MLLT1: variants seen among roughly 807,000 people sequenced by gnomAD.
MLLT1 encodes MLLT1 super elongation complex subunit.
In MLLT1, 11 loss-of-function variants were observed where a neutral mutation model predicts 55.1. The observed-to-expected ratio is 0.20, with a 90% CI of 0.13 to 0.33. MLLT1 has a LOEUF of 0.33. MLLT1 is among the 10% of genes least tolerant of loss of function. The pLI, the probability that MLLT1 is intolerant of heterozygous loss-of-function variation, is 1.00. For synonymous variants in MLLT1, 323 were observed against 320.1 expected, an observed-to-expected ratio of 1.01 and a Z score of -0.10; for missense variants, 536 against 760.6, an observed-to-expected ratio of 0.70 and a Z score of 3.47.
At position 6,226,900 on chromosome 19, in the gene MLLT1, A is replaced by G. The variant is rs1371776198; in HGVS notation, c.546+77T>C. 5.3e-6 allele frequency: 7 copies of G among 1,317,324 alleles called. No individual in the cohort carries two copies. The highest frequency in any genetic ancestry group is 7.0e-6 in the Non-Finnish European group (7 of 998,418). The allele number at this position is 1,317,324 out of a possible 1,614,324, so 81.6% of individuals were successfully genotyped here. ...AGGTGCGGAAGGCCCAGCCCAGTGG[A>G]GGGAGGGCGCCGGGGCCAGACCCAC... On this transcript the variant is annotated intron_variant, in intron 5 of 11. Coordinates refer to ENST00000252674, the MANE Select transcript of MLLT1 (RefSeq NM_005934.4). The surrounding 1 kb of genome is among the most constrained non-coding windows in gnomAD (Gnocchi z 6.3).
At chr19:6,271,699 C>T (rs866928394) in intron 1 of MLLT1, among the ~76,000 whole-genome samples, 2 of 152,238 alleles carry the variant, frequency 1.3e-5, no homozygotes, top group Non-Finnish European at 2.9e-5. Flanking sequence ...GGCCCTGACA[C>T]CCGCTATCAA....
At chr19:6,238,100 T>A (rs969398115) in intron 3 of MLLT1, among the ~76,000 whole-genome samples, 1 of 152,282 alleles carries the variant, frequency 6.6e-6, no homozygotes, top group Non-Finnish European at 1.5e-5. Context: ...AGACCCTGAC[T>A]TAAAGAGGGA....
At chr19:6,277,835 T>C (rs1460963378) in intron 1 of MLLT1, among the ~76,000 whole-genome samples, 2 of 152,232 alleles carry the variant, frequency 1.3e-5, no homozygotes, top group Non-Finnish European at 2.9e-5. Context: ...ATATTTCATT[T>C]GGGTTTTTAA....
At chr19:6,241,244 C>CG (rs2091110355) in intron 3 of MLLT1, among the ~76,000 whole-genome samples, 1 of 152,206 alleles carries the variant, frequency 6.6e-6, no homozygotes, top group Non-Finnish European at 1.5e-5. Context: ...CCTAGACCCC[C>CG]GCCCCATCCC....
rs1344972986 is a variant in MLLT1, at chr19:6,273,106, G to GACAAAAGAAATAA, written c.13-2360_13-2348dup. Among the ~76,000 whole-genome samples the GACAAAAGAAATAA allele has an allele frequency of 2.0e-5, 3 of 152,094 alleles. No individual in the cohort carries two copies. Among genetic ancestry groups the GACAAAAGAAATAA allele is most frequent in the African/African-American group, 7.2e-5 (3 of 41,402 alleles). On this transcript the variant is annotated intron_variant, in intron 1 of 11. Coordinates refer to ENST00000252674, the MANE Select transcript of MLLT1 (RefSeq NM_005934.4). This position sits in a 1 kb window ranked among gnomAD's most constrained non-coding sequence, Gnocchi z 4.3. ...AGGGGGTGCCTGGGATCAGGCCGGA[G>GACAAAAGAAATAA]ACAAAAGAAATAACCCGTCGTCATA...
rs1222881346 is a variant in MLLT1, at chr19:6,229,871, A to C, written c.420+699T>G. Among the ~76,000 whole-genome samples the C allele has an allele frequency of 6.6e-6, 1 of 151,842 alleles. No individual in the cohort carries two copies. Among genetic ancestry groups the C allele is most frequent in the East Asian group, 1.9e-4 (1 of 5,162 alleles). On this transcript the variant is annotated intron_variant, in intron 4 of 11. Transcript: ENST00000252674. The surrounding 1 kb of genome is among the most constrained non-coding windows in gnomAD (Gnocchi z 5.2). ...CATGACACACCACACACCGCACACG[A>C]CACACAACACGCCACCCCAGCCCGC...
At chr19:6,218,110 G>C in intron 6 of MLLT1, 69 bp from the exon 7 acceptor site, 2 of 1,528,132 alleles carry the variant, frequency 1.3e-6, no homozygotes, top group Non-Finnish European at 1.8e-6. Context: ...CAGAGACAAA[G>C]GGGGCCCCCT....
In MLLT1 at chr19:6,270,499, G is replaced by GGA. The variant is rs570006856; in HGVS notation, c.193+78_193+79dup. ...TTGGAGGGGTCCTGCTGCTCCTGAGGGAGGGGTGGAGCCTGGCCTTGGGAG... is the reference window on the plus strand; with the variant it reads ...TTGGAGGGGTCCTGCTGCTCCTGAGGGAGAGGGGTGGAGCCTGGCCTTGGGAG... On this transcript the variant is annotated intron_variant, in intron 2 of 11. Coordinates refer to ENST00000252674, the MANE Select transcript of MLLT1 (RefSeq NM_005934.4). This position sits in a 1 kb window ranked among gnomAD's most constrained non-coding sequence, Gnocchi z 7.1. 98 of 1,451,694 alleles carry GGA rather than the reference G, an allele frequency of 6.8e-5. No homozygotes were observed. In the South Asian group the frequency reaches 1.2e-3, roughly 18 times the overall value. 89.9% of individuals were successfully genotyped at this position (1,451,694 alleles called of 1,614,324 possible).
rs968817836 is a variant in MLLT1, at chr19:6,229,685, C to T, written c.420+885G>A. Among the ~76,000 whole-genome samples, 24 of 151,890 alleles carry T rather than the reference C, an allele frequency of 1.6e-4. No homozygotes were observed. The highest frequency in any genetic ancestry group is 8.4e-4 in the South Asian group (4 of 4,790). ...GTACATACCACACAACACACACACA[C>T]GCCCCACACCCGTGACACCACACAC... is the stretch of plus-strand genomic sequence containing the variant. On this transcript the variant is annotated intron_variant, in intron 4 of 11. Coordinates refer to ENST00000252674, the MANE Select transcript of MLLT1 (RefSeq NM_005934.4). The surrounding 1 kb of genome is among the most constrained non-coding windows in gnomAD (Gnocchi z 5.2).
chr19:6,220,802 A>AG (rs1336431947), intron 6 of MLLT1, among the ~76,000 whole-genome samples: 1 of 152,192 alleles, frequency 6.6e-6, no homozygotes, highest in East Asian at 1.9e-4. Flanking sequence ...CAGGCAGAGA[A>AG]GGGGTCAGGC....
intron 3 of MLLT1, among the ~76,000 whole-genome samples, chr19:6,238,137 T>C (rs1440715469): frequency 2.0e-5 from 3 of 152,168 alleles, no homozygotes; most frequent in Non-Finnish European, 4.4e-5. Flanking sequence ...CCAACCTTAC[T>C]TGAATCCTGA....
rs1011226015 is a variant in MLLT1 at position 6,262,751 on chromosome 19, G to A, written c.194-441C>T. ...CCTCCAGCACGGGGGCTGAGCACCT[G>A]CTGCACCACGGACACATGCACTGGG... On this transcript the variant is annotated intron_variant, in intron 2 of 11. Transcript: ENST00000252674. This position sits in a 1 kb window ranked among gnomAD's most constrained non-coding sequence, Gnocchi z 4.4. 5.9e-5 allele frequency among the ~76,000 whole-genome samples: 9 copies of A among 152,164 alleles called. No individual in the cohort carries two copies. Among genetic ancestry groups the A allele is most frequent in the Non-Finnish European group, 8.8e-5 (6 of 68,032 alleles).
chr19:6,218,070 G>A (rs1409768953), intron 6 of MLLT1, 29 bp from the exon 7 acceptor site: 1 of 1,581,994 alleles, frequency 6.3e-7, no homozygotes. Context: ...TGGGCAGGGA[G>A]GGGAGAAAGG....
chr19:6,215,319 C>T (rs1430487949), intron 8 of MLLT1, among the ~76,000 whole-genome samples: 11 of 152,248 alleles, frequency 7.2e-5, no homozygotes, highest in East Asian at 1.9e-4. Flanking sequence ...TCTGCGCTCA[C>T]GGCTCTTGGC....
Position 6,228,530 on chromosome 19 carries a change from G to A in MLLT1, c.421-1428C>T, listed in dbSNP as rs2090975322. Among the ~76,000 whole-genome samples, 11 of 152,292 alleles carry A rather than the reference G, an allele frequency of 7.2e-5. No individual in the cohort carries two copies. The South Asian group carries it at 2.3e-3, about 32-fold the overall frequency. Reference sequence around the variant, plus strand: ...CAAGACACGGTCCTAAGGGGCACAAGGCTGGAACGGCGGAAAGTCCTACCC... The same window carrying A: ...CAAGACACGGTCCTAAGGGGCACAAAGCTGGAACGGCGGAAAGTCCTACCC... On this transcript the variant is annotated intron_variant, in intron 4 of 11. Coordinates refer to ENST00000252674, the MANE Select transcript of MLLT1 (RefSeq NM_005934.4).
At position 6,222,128 on chromosome 19, in the gene MLLT1, T is replaced by C. The variant is rs761052767; in HGVS notation, c.1103A>G (p.Lys368Arg). ...CCCCCAGCACTCACTCACCTCGGAC[T>C]TGAAGGAGGCCTCGTCCTCTGAGTT... is the stretch of plus-strand genomic sequence containing the variant. ...ESNSEDEASF[K>R]SESAQSSPSN... is the part of the protein sequence containing the mutation. The change falls in exon 6 of 12, where the codon AAG becomes AGG. Residue 368 changes from lysine to arginine, a missense_variant. By Grantham distance (26) the Lys-to-Arg change is conservative (BLOSUM62 2). Coordinates refer to ENST00000252674, the MANE Select transcript of MLLT1 (RefSeq NM_005934.4). This position sits in a 1 kb window ranked among gnomAD's most constrained non-coding sequence, Gnocchi z 4.1. 2.0e-6 allele frequency: 3 copies of C among 1,516,372 alleles called. No homozygotes were observed. The highest frequency in any genetic ancestry group is 2.7e-6 in the Non-Finnish European group (3 of 1,129,474). The allele number at this position is 1,516,372 out of a possible 1,614,324, so 93.9% of individuals were successfully genotyped here.
At chr19:6,221,826 G>T (rs920676744) in intron 6 of MLLT1, among the ~76,000 whole-genome samples, 1 of 152,228 alleles carries the variant, frequency 6.6e-6, no homozygotes, top group Non-Finnish European at 1.5e-5. Flanking sequence ...GGCTGCTGGA[G>T]GAGGGGAGCT....
chr19:6,234,674 C>T (rs749633496), intron 3 of MLLT1, among the ~76,000 whole-genome samples: 2 of 152,122 alleles, frequency 1.3e-5, no homozygotes, highest in Non-Finnish European at 2.9e-5. Flanking sequence ...CACGGACACA[C>T]GAGTCAGAGG....
At chr19:6,260,936 C>T (rs2091299587) in intron 3 of MLLT1, among the ~76,000 whole-genome samples, 1 of 152,258 alleles carries the variant, frequency 6.6e-6, no homozygotes, top group African/African-American at 2.4e-5. Flanking sequence ...CGAGTTTAAA[C>T]TGCCCATACA....
Sources: gnomAD v4.1 joint callset for allele counts (sites outside exome capture counted in the v4.1 genomes callset) on GRCh38, gnomAD v4.1.1 for gene constraint, Gnocchi (gnomAD v3.1) non-coding constraint, MANE v1.5 for transcripts, NCBI Gene and HGNC (gene_info 2026-07-23, HGNC 2026-07-21) for gene names.